Variants in ZNF438 observed in about 807,000 individuals in gnomAD.
ZNF438 encodes the protein zinc finger protein 438.
A neutral mutation model predicts 38.0 loss-of-function variants in ZNF438; 25 were observed. That is an observed-to-expected ratio of 0.66 (90% CI 0.48 to 0.92). The LOEUF (loss-of-function observed/expected upper bound fraction) is 0.92. Among genes scored for constraint, ZNF438 ranks in the 40% least tolerant of loss-of-function variants. The probability of loss-of-function intolerance (pLI) is 0.00; values close to 1 mark genes in which losing one functional copy is unlikely to be tolerated. For missense variants in ZNF438, 1,007 were observed against 999.6 expected (o/e 1.01, Z -0.10); for synonymous variants, 372 against 364.1 (o/e 1.02, Z -0.25).
intron 4 of ZNF438, among the ~76,000 whole-genome samples, chr10:30,856,487 G>A (rs1445831164): frequency 1.3e-5 from 2 of 151,722 alleles, no homozygotes; most frequent in Non-Finnish European, 2.9e-5. Context: ...TATGTCTGCA[G>A]AGTCTTTCTT....
chr10:30,855,581 G>C (rs1378096746), intron 4 of ZNF438, among the ~76,000 whole-genome samples: 2 of 152,208 alleles, frequency 1.3e-5, no homozygotes, highest in African/African-American at 2.4e-5. Context: ...TGTGTTAGTA[G>C]AAATGCAAGG....
At chr10:31,030,928 G>A (rs577581793) in intron 1 of ZNF438, among the ~76,000 whole-genome samples, 11 of 152,342 alleles carry the variant, frequency 7.2e-5, no homozygotes, top group African/African-American at 1.7e-4. Flanking sequence ...AGTCTGTGTT[G>A]TCTATAATGT....
intron 2 of ZNF438, among the ~76,000 whole-genome samples, chr10:30,916,305 ATTAT>A (rs1476776174): frequency 2.0e-5 from 3 of 152,052 alleles, no homozygotes; most frequent in Non-Finnish European, 1.5e-5. Flanking sequence ...ATCCTTAAAG[ATTAT>A]TTAAGTGTAC....
chr10:30,901,309 A>G (rs1195432721), intron 3 of ZNF438, among the ~76,000 whole-genome samples: 1 of 152,236 alleles, frequency 6.6e-6, no homozygotes, highest in African/African-American at 2.4e-5. Flanking sequence ...TTAAGTTGCC[A>G]ATGTGGCTTT....
chr10:30,908,050 A>G (rs1396493875), intron 3 of ZNF438, among the ~76,000 whole-genome samples: 1 of 152,080 alleles, frequency 6.6e-6, no homozygotes, highest in Non-Finnish European at 1.5e-5. Flanking sequence ...TTATCTCAAG[A>G]TATTTTCTAA....
intron 3 of ZNF438, among the ~76,000 whole-genome samples, chr10:30,894,257 C>G (rs1006235409): frequency 6.6e-6 from 1 of 152,174 alleles, no homozygotes; most frequent in Non-Finnish European, 1.5e-5. Flanking sequence ...TCAGTAGCTT[C>G]TTTTTCTGAG....
rs149482395 is a variant in ZNF438, at chr10:30,858,264, G to A, written c.38-7897C>T. Among the ~76,000 whole-genome samples, 21 of 152,286 alleles carry A rather than the reference G, an allele frequency of 1.4e-4. No individual in the cohort carries two copies. The East Asian group carries it at 2.1e-3, about 15-fold the overall frequency. ...AAATACTCTATTTTCAATTTCATTC[G>A]TTGTTATCCCTGTTTTCCCTGCCAC... On this transcript the variant is annotated intron_variant, in intron 4 of 5. Coordinates refer to ENST00000413025, the Ensembl canonical transcript of ZNF438.
chr10:31,012,044 G>C (rs2055752038), intron 1 of ZNF438, among the ~76,000 whole-genome samples: 1 of 151,906 alleles, frequency 6.6e-6, no homozygotes. Context: ...CATCTGCATT[G>C]CTGTGCCCCT....
intron 3 of ZNF438, among the ~76,000 whole-genome samples, chr10:30,882,331 T>C (rs2039374626): frequency 2.6e-5 from 4 of 152,158 alleles, no homozygotes; most frequent in African/African-American, 9.7e-5. Flanking sequence ...AAGATACACC[T>C]GCCTTAGGAT....
chr10:31,014,566 T>C (rs2056022748), intron 1 of ZNF438, among the ~76,000 whole-genome samples: 1 of 152,086 alleles, frequency 6.6e-6, no homozygotes, highest in Non-Finnish European at 1.5e-5. Flanking sequence ...TCCACATGAG[T>C]TTGGTGGGGA....
chr10:31,005,588 T>C (rs776950480), intron 1 of ZNF438, among the ~76,000 whole-genome samples: 1 of 152,162 alleles, frequency 6.6e-6, no homozygotes, highest in Non-Finnish European at 1.5e-5. Context: ...GTCTAATGTA[T>C]GACATGAGGA....
At chr10:30,886,149 T>A (rs896322596) in intron 3 of ZNF438, among the ~76,000 whole-genome samples, 1 of 152,178 alleles carries the variant, frequency 6.6e-6, no homozygotes, top group Admixed American at 6.5e-5. Context: ...TAAATACATA[T>A]TAGTATTCCT....
chr10:30,867,112 G>T (rs1485941635), intron 4 of ZNF438, among the ~76,000 whole-genome samples: 1 of 152,080 alleles, frequency 6.6e-6, no homozygotes, highest in Non-Finnish European at 1.5e-5. Context: ...TAGTATCAAA[G>T]AAAAATATCC....
intron 2 of ZNF438, among the ~76,000 whole-genome samples, chr10:30,936,788 C>T (rs1036877787): frequency 5.3e-5 from 8 of 152,068 alleles, no homozygotes. Flanking sequence ...TAAAGAATTG[C>T]CAAAAAAGTC....
chr10:30,885,869 T>C (rs2039888161), intron 3 of ZNF438, among the ~76,000 whole-genome samples: 1 of 151,910 alleles, frequency 6.6e-6, no homozygotes, highest in Non-Finnish European at 1.5e-5. Flanking sequence ...ACCTGGGAAA[T>C]AAAAAAATTC....
chr10:30,972,467 C>A (rs551246514), intron 1 of ZNF438, among the ~76,000 whole-genome samples: 1 of 152,146 alleles, frequency 6.6e-6, no homozygotes, highest in Non-Finnish European at 1.5e-5. Context: ...ACTTTTGCAA[C>A]GTATTCTTTT....
At chr10:30,928,082 T>A (rs773631296) in intron 2 of ZNF438, among the ~76,000 whole-genome samples, 69 of 152,182 alleles carry the variant, frequency 4.5e-4, no homozygotes, top group Non-Finnish European at 8.7e-4. Context: ...AAAAGACACT[T>A]ACTTTCTATT....
At chr10:30,911,730 AC>A (rs1292411653) in intron 2 of ZNF438, among the ~76,000 whole-genome samples, 1 of 151,958 alleles carries the variant, frequency 6.6e-6, no homozygotes, top group African/African-American at 2.4e-5. Flanking sequence ...AACTCCTCAA[AC>A]CTTCAGTACT....
rs577971270 is a variant in ZNF438 at position 31,026,424 on chromosome 10, T to G, written c.-192+5409A>C. Among the ~76,000 whole-genome samples, 520 of 152,152 alleles carry G rather than the reference T, an allele frequency of 3.4e-3. 2 individuals carry two copies. The highest frequency in any genetic ancestry group is 0.017 in the Middle Eastern group (5 of 294). ...AATCAAACAACCCCATCAACAAGTG[T>G]GCAAAGGATATGAACAGACACTTCT... On this transcript the variant is annotated intron_variant, in intron 1 of 5. Transcript: ENST00000413025.
Sources: gnomAD v4.1 joint callset for allele counts (sites outside exome capture counted in the v4.1 genomes callset) on GRCh38, gnomAD v4.1.1 for gene constraint, MANE v1.5 for transcripts, NCBI Gene and HGNC (gene_info 2026-07-23, HGNC 2026-07-21) for gene names.